Variants in TSHZ3 observed in about 807,000 individuals in gnomAD.
TSHZ3 encodes teashirt homolog 3.
In TSHZ3, 10 loss-of-function variants were observed where a neutral mutation model predicts 64.5. The ratio of observed to expected loss-of-function variants is 0.16; its 90% CI spans 0.10 to 0.26. The LOEUF (loss-of-function observed/expected upper bound fraction) is 0.26, where lower values mean the gene tolerates loss of function less well. Among genes scored for constraint, TSHZ3 ranks in the 10% least tolerant of loss-of-function variants. TSHZ3 has a pLI of 1.00. For missense variants in TSHZ3, 1,242 were observed against 1,421.7 expected (o/e 0.87, Z 2.03); for synonymous variants, 608 against 593.1 (o/e 1.03, Z -0.36).
At chr19:31,326,329 C>T (rs988604230) in intron 1 of TSHZ3, among the ~76,000 whole-genome samples, 2 of 152,124 alleles carry the variant, frequency 1.3e-5, no homozygotes, top group Non-Finnish European at 2.9e-5. Context: ...AACTGCATAC[C>T]CTTTGATTCT....
rs1229970435 is a variant in TSHZ3 at position 31,276,650 on chromosome 19, C to T, written c.3143G>A (p.Arg1048Gln). The change falls in exon 2 of 2, where the codon CGG becomes CAG. Residue 1048 changes from arginine to glutamine, a missense_variant. Physicochemically the swap from Arg to Gln is conservative, Grantham distance 43 (BLOSUM62 1). Around this residue, in one of 4 missense-constraint regions of TSHZ3, gnomAD observed 126 missense variants for 140.6 expected, o/e 0.90. Coordinates refer to ENST00000240587, the MANE Select transcript of TSHZ3 (RefSeq NM_020856.4). ...AACAGCGTGCTTGCTGGCAAAGGTC[C>T]GATTGCAAAGTTTGCACTGATAGGA... ...GTSYQCKLCN[R>Q]TFASKHAVKL... 6.2e-7 allele frequency: 1 copy of T among 1,612,738 alleles called. No homozygotes were observed. Among genetic ancestry groups the T allele is most frequent in the Non-Finnish European group, 8.5e-7 (1 of 1,178,974 alleles).
intron 1 of TSHZ3, among the ~76,000 whole-genome samples, chr19:31,336,518 T>C (rs1917245854): frequency 6.6e-6 from 1 of 152,216 alleles, no homozygotes; most frequent in African/African-American, 2.4e-5. Context: ...ATCTTGACGG[T>C]GGACCTCATG....
At chr19:31,280,726 T>A (rs1264318760) in intron 1 of TSHZ3, among the ~76,000 whole-genome samples, 1 of 152,248 alleles carries the variant, frequency 6.6e-6, no homozygotes. Context: ...GCGATGTAAC[T>A]GGGATGTAAA....
At chr19:31,248,889 C>G (rs1239053936) in intron 1 of TSHZ3, among the ~76,000 whole-genome samples, 1 of 151,904 alleles carries the variant, frequency 6.6e-6, no homozygotes, top group African/African-American at 2.4e-5. Context: ...ACAGTAAGAC[C>G]TTTCAAAACC....
Position 31,275,661 on chromosome 19 carries a change from AAT to A in TSHZ3, c.*884_*885del, listed in dbSNP as rs1201746058. On this transcript the variant is annotated 3_prime_UTR_variant, in exon 2 of 2. Coordinates refer to ENST00000240587, the MANE Select transcript of TSHZ3 (RefSeq NM_020856.4). ...TATAATTTAAACATGAACCTCTATC[AAT>A]ATAGATGTACTGTATAGCAAAACAA... 6.6e-6 allele frequency: 1 copy of A among 152,648 alleles called. No individual in the cohort carries two copies. Among genetic ancestry groups the A allele is most frequent in the Non-Finnish European group, 1.5e-5 (1 of 68,046 alleles). The allele number at this position is 152,648 out of a possible 1,614,324, so 9.5% of individuals were successfully genotyped here. A position where few individuals can be genotyped will look rare whatever the true frequency, so the allele number is the denominator to read the frequency against.
chr19:31,253,691 A>G (rs1474368887), intron 1 of TSHZ3, among the ~76,000 whole-genome samples: 3 of 152,164 alleles, frequency 2.0e-5, no homozygotes, highest in Non-Finnish European at 4.4e-5. Flanking sequence ...AAAAAGCAAT[A>G]GTCTGTGCAT....
chr19:31,220,727 ACTTC>A (rs1387899772), intron 4 of TSHZ3, among the ~76,000 whole-genome samples: 1 of 152,200 alleles, frequency 6.6e-6, no homozygotes, highest in Non-Finnish European at 1.5e-5. Flanking sequence ...GGTGCACTTC[ACTTC>A]CTTTTCCTTT....
At chr19:31,258,573 T>A (rs537368695) in intron 1 of TSHZ3, among the ~76,000 whole-genome samples, 30 of 152,324 alleles carry the variant, frequency 2.0e-4, no homozygotes, top group African/African-American at 6.7e-4. Context: ...TGGATTATGG[T>A]CTGTCTCCCC....
intron 5 of TSHZ3, among the ~76,000 whole-genome samples, chr19:31,188,857 A>G (rs568917835): frequency 3.6e-4 from 54 of 152,040 alleles, no homozygotes; most frequent in African/African-American, 1.2e-3. Context: ...ACAGTTTGTG[A>G]AAAATTCGTA....
chr19:31,248,507 A>G (rs1022993870), intron 1 of TSHZ3, among the ~76,000 whole-genome samples: 1 of 151,964 alleles, frequency 6.6e-6, no homozygotes, highest in Non-Finnish European at 1.5e-5. Context: ...TATACAGAAT[A>G]CTCAAAACTC....
chr19:31,278,151 G>C lies in TSHZ3; in HGVS notation c.1642C>G (p.Pro548Ala). 6.2e-7 allele frequency: 1 copy of C among 1,614,200 alleles called. No homozygotes were observed. Among genetic ancestry groups the C allele is most frequent in the East Asian group, 2.2e-5 (1 of 44,870 alleles). Reference protein sequence around the residue: ...QNGTPSWGGYPSIHAAYQLPN... With the variant: ...QNGTPSWGGYASIHAAYQLPN... ...AGTTGGTAGGCGGCATGGATGCTGGGATAGCCCCCCCAGCTAGGAGTGCCG... is the reference window on the plus strand; with the variant it reads ...AGTTGGTAGGCGGCATGGATGCTGGCATAGCCCCCCCAGCTAGGAGTGCCG... The change falls in exon 2 of 2, where the codon CCC becomes GCC. Residue 548 changes from proline to alanine, a missense_variant. This residue lies in a region of TSHZ3 where 550 missense variants were observed against 545.1 expected (regional missense o/e 1.01). Transcript: ENST00000240587. This position sits in a 1 kb window ranked among gnomAD's most constrained non-coding sequence, Gnocchi z 4.7.
rs567466019 is a variant in TSHZ3 at position 31,349,307 on chromosome 19, G to A, written c.-88C>T. Reference sequence around the variant, plus strand: ...GGAGGGGGCGGCGGGCCCGCGGGGGGGCGAGGCGGGCCTGCTCTCAGCCTC... The same window carrying A: ...GGAGGGGGCGGCGGGCCCGCGGGGGAGCGAGGCGGGCCTGCTCTCAGCCTC... On this transcript the variant is annotated 5_prime_UTR_variant, in exon 1 of 2. Transcript: ENST00000240587. 7 of 1,345,974 alleles carry A rather than the reference G, an allele frequency of 5.2e-6. No individual in the cohort carries two copies. The Admixed American group carries it at 8.1e-5, about 15-fold the overall frequency. The allele number at this position is 1,345,974 out of a possible 1,614,324, so 83.4% of individuals were successfully genotyped here.
intron 1 of TSHZ3, among the ~76,000 whole-genome samples, chr19:31,334,603 T>C (rs1423793928): frequency 2.0e-5 from 3 of 152,166 alleles, no homozygotes; most frequent in Non-Finnish European, 4.4e-5. Context: ...CTATGGCAGC[T>C]GAGTTAGGAA....
intron 1 of TSHZ3, among the ~76,000 whole-genome samples, chr19:31,252,325 G>T (rs1256302663): frequency 6.6e-6 from 1 of 152,048 alleles, no homozygotes; most frequent in African/African-American, 2.4e-5. Context: ...CTCTCCCTAT[G>T]CCAGCTCCCC....
intron 5 of TSHZ3, among the ~76,000 whole-genome samples, chr19:31,175,957 ATTAC>A (rs1974601248): frequency 6.6e-6 from 1 of 152,216 alleles, no homozygotes; most frequent in African/African-American, 2.4e-5. Flanking sequence ...GCCTATGATT[ATTAC>A]TTCTCTGTAA....
chr19:31,287,276 G>C (rs1023985489), intron 1 of TSHZ3, among the ~76,000 whole-genome samples: 1 of 152,170 alleles, frequency 6.6e-6, no homozygotes, highest in African/African-American at 2.4e-5. Flanking sequence ...TGAAATAAAG[G>C]TTCTGAAGTT....
Position 31,250,546 on chromosome 19 carries a change from C to CTTA in TSHZ3, n.64-7674_64-7672dup, listed in dbSNP as rs1330796796. Among the ~76,000 whole-genome samples, 4 of 152,220 alleles carry CTTA rather than the reference C, an allele frequency of 2.6e-5. No homozygotes were observed. The East Asian group carries it at 7.7e-4, about 29-fold the overall frequency. On this transcript the variant is annotated intron_variant and non_coding_transcript_variant, in intron 1 of 6. Coordinates refer to the TSHZ3 transcript ENST00000651361. ...CCAGTGCACAGTTAAATAATGGATG[C>CTTA]TTAGCACAGTGCATTGTAATAAGCA... is the stretch of plus-strand genomic sequence containing the variant.
intron 1 of TSHZ3, among the ~76,000 whole-genome samples, chr19:31,336,556 T>C (rs1917247519): frequency 6.6e-6 from 1 of 152,182 alleles, no homozygotes; most frequent in Non-Finnish European, 1.5e-5. Context: ...CCCATCTTCA[T>C]GTTTTAAAAA....
At chr19:31,187,187 T>C (rs1974825379) in intron 5 of TSHZ3, among the ~76,000 whole-genome samples, 1 of 152,156 alleles carries the variant, frequency 6.6e-6, no homozygotes, top group African/African-American at 2.4e-5. Flanking sequence ...CCCTGGGAAC[T>C]AGTGATCTGT....
Sources: allele counts gnomAD v4.1 joint callset (sites outside exome capture counted in the v4.1 genomes callset), GRCh38; gene constraint gnomAD v4.1.1; regional missense constraint gnomAD v4.1.1; non-coding constraint Gnocchi (gnomAD v3.1); transcripts MANE v1.5; gene names NCBI Gene and HGNC (gene_info 2026-07-23, HGNC 2026-07-21).